The following MAGI2 variants were observed in gnomAD, a reference collection of about 807,000 sequenced individuals.
MAGI2 encodes the protein membrane associated guanylate kinase, WW and PDZ domain containing 2.
In MAGI2, 35 loss-of-function variants were observed where a neutral mutation model predicts 133.3. That is an observed-to-expected ratio of 0.26 (90% CI 0.20 to 0.35). The LOEUF is 0.35. Among genes scored for constraint, MAGI2 ranks in the 10% least tolerant of loss-of-function variants. The pLI is 1.00. For missense variants in MAGI2, 1,636 were observed against 1,863.4 expected, an observed-to-expected ratio of 0.88 and a Z score of 2.25; for synonymous variants, 729 against 710.6, an observed-to-expected ratio of 1.03 and a Z score of -0.41.
intron 6 of MAGI2, among the ~76,000 whole-genome samples, chr7:78,477,055 T>A (rs978449285): frequency 6.6e-6 from 1 of 151,926 alleles, no homozygotes; most frequent in Non-Finnish European, 1.5e-5. Context: ...AAAGCCATAG[T>A]TAATGTTCAA....
At chr7:78,692,451 G>T (rs1817068279) in intron 2 of MAGI2, among the ~76,000 whole-genome samples, 1 of 152,058 alleles carries the variant, frequency 6.6e-6, no homozygotes, top group South Asian at 2.1e-4. Flanking sequence ...CACTAGTAAG[G>T]CATGGGTTAG....
At chr7:78,079,807 A>G (rs780104953) in intron 20 of MAGI2, among the ~76,000 whole-genome samples, 1 of 152,230 alleles carries the variant, frequency 6.6e-6, no homozygotes, top group Admixed American at 6.5e-5. Flanking sequence ...CCTGGGTTCC[A>G]TAAGCAATTC....
intron 2 of MAGI2, among the ~76,000 whole-genome samples, chr7:78,753,352 T>C (rs920842083): frequency 5.9e-5 from 9 of 152,132 alleles, no homozygotes; most frequent in Non-Finnish European, 8.8e-5. Context: ...CTGGGCTTTG[T>C]AGCAGATAAT....
At chr7:78,697,276 T>C (rs1315836311) in intron 2 of MAGI2, among the ~76,000 whole-genome samples, 2 of 152,204 alleles carry the variant, frequency 1.3e-5, no homozygotes, top group African/African-American at 2.4e-5. Flanking sequence ...TTTAAGCCTG[T>C]TGTTTATTTG....
At chr7:78,990,589 T>A (rs1424001020) in intron 2 of MAGI2, among the ~76,000 whole-genome samples, 1 of 152,080 alleles carries the variant, frequency 6.6e-6, no homozygotes, top group Non-Finnish European at 1.5e-5. Context: ...GAGGTTTTTC[T>A]GCCACTTACT....
At chr7:79,328,417 A>G (rs984464276) in intron 1 of MAGI2, among the ~76,000 whole-genome samples, 2 of 152,304 alleles carry the variant, frequency 1.3e-5, no homozygotes, top group Non-Finnish European at 2.9e-5. Flanking sequence ...CACAGAAGGA[A>G]GACAAATAGG....
At chr7:78,997,371 A>T (rs1162972732) in intron 2 of MAGI2, among the ~76,000 whole-genome samples, 2 of 152,110 alleles carry the variant, frequency 1.3e-5, no homozygotes, top group South Asian at 2.1e-4. Flanking sequence ...TGGGAGGCCT[A>T]GGCAGGCGGA....
chr7:79,100,510 C>T (rs6466496), intron 1 of MAGI2, among the ~76,000 whole-genome samples: 113,242 of 151,118 alleles, frequency 0.75, 43,559 homozygotes, highest in Non-Finnish European at 0.84. Context: ...ATTTTCTTAG[C>T]CATTTCTATT....
intron 3 of MAGI2, among the ~76,000 whole-genome samples, chr7:78,559,281 T>C (rs1267105378): frequency 1.3e-5 from 2 of 151,050 alleles, no homozygotes; most frequent in East Asian, 1.9e-4. Flanking sequence ...TAGGTGTATT[T>C]TGGACTTTCT....
chr7:79,069,181 C>G (rs1235469010), intron 1 of MAGI2, among the ~76,000 whole-genome samples: 1 of 152,044 alleles, frequency 6.6e-6, no homozygotes, highest in African/African-American at 2.4e-5. Flanking sequence ...GTTGACCTGT[C>G]CAGTGTGGAC....
At chr7:78,939,217 C>G (rs10264850) in intron 2 of MAGI2, among the ~76,000 whole-genome samples, 1,772 of 152,148 alleles carry the variant, frequency 0.012, 36 homozygotes, top group African/African-American at 0.04. Context: ...TGGTCTTGAA[C>G]TCCTGACCTC....
chr7:78,842,218 T>C (rs1315207072), intron 2 of MAGI2, among the ~76,000 whole-genome samples: 1 of 151,902 alleles, frequency 6.6e-6, no homozygotes, highest in Non-Finnish European at 1.5e-5. Flanking sequence ...AGAGAAAGTA[T>C]TGCACTGAAA....
intron 9 of MAGI2, among the ~76,000 whole-genome samples, chr7:78,292,392 C>G (rs1456259813): frequency 3.3e-5 from 5 of 152,150 alleles, no homozygotes; most frequent in Admixed American, 6.5e-5. Context: ...TGAAGGACCT[C>G]TTCAAGGAGA....
chr7:78,020,811 T>G (rs2471591), intron 21 of MAGI2, among the ~76,000 whole-genome samples: 135,665 of 152,068 alleles, frequency 0.89, 60,739 homozygotes, highest in East Asian at 1. Context: ...ATTTTAAAAC[T>G]ATCATTTTTT....
At chr7:78,895,159 T>C (rs1161972707) in intron 2 of MAGI2, among the ~76,000 whole-genome samples, 3 of 152,068 alleles carry the variant, frequency 2.0e-5, no homozygotes. Context: ...AGGTTAGTTA[T>C]TATGAGAGTT....
At chr7:78,643,522 A>G (rs941782325) in intron 2 of MAGI2, among the ~76,000 whole-genome samples, 3 of 152,148 alleles carry the variant, frequency 2.0e-5, no homozygotes, top group African/African-American at 4.8e-5. Context: ...TGGCTGACAG[A>G]CAAAAGTGAA....
intron 20 of MAGI2, among the ~76,000 whole-genome samples, chr7:78,120,953 A>G (rs1584004854): frequency 7.8e-6 from 1 of 127,434 alleles, no homozygotes; most frequent in Non-Finnish European, 1.6e-5. Context: ...GTGAGCCGAG[A>G]TCCCGCCACT....
At chr7:78,280,263 C>A (rs777915003) in intron 9 of MAGI2, among the ~76,000 whole-genome samples, 2 of 152,088 alleles carry the variant, frequency 1.3e-5, no homozygotes, top group African/African-American at 4.8e-5. Flanking sequence ...CTCATCACCC[C>A]ACAAATACCT....
In MAGI2 at chr7:78,796,162, C is replaced by T. The variant is rs115983907; in HGVS notation, c.419-168923G>A. On this transcript the variant is annotated intron_variant, in intron 2 of 21. Coordinates refer to ENST00000354212, the MANE Select transcript of MAGI2 (RefSeq NM_012301.4). ...AATACTTCAGGCTAAAAAGCTTTTA[C>T]ACAGCAAAGGAAATAATTAACAAAG... 8.5e-4 allele frequency among the ~76,000 whole-genome samples: 130 copies of T among 152,138 alleles called. 1 individual carries two copies. The highest frequency in any genetic ancestry group is 3.0e-3 in the African/African-American group (126 of 41,530).
Sources: allele counts gnomAD v4.1 joint callset (sites outside exome capture counted in the v4.1 genomes callset), GRCh38; gene constraint gnomAD v4.1.1; transcripts MANE v1.5; gene names NCBI Gene and HGNC (gene_info 2026-07-23, HGNC 2026-07-21).